CD22: variants seen among roughly 807,000 people sequenced by gnomAD.
CD22 encodes CD22 molecule.
Under a neutral mutation model 94.7 loss-of-function variants are expected in CD22, and 51 were observed. The observed-to-expected ratio is 0.54, with a 90% CI of 0.43 to 0.68. The LOEUF (loss-of-function observed/expected upper bound fraction) is 0.68, where lower values mean the gene tolerates loss of function less well. Among genes scored for constraint, CD22 ranks in the 30% least tolerant of loss-of-function variants. The pLI is 0.00. For missense variants in CD22, 931 were observed against 1,060.4 expected, an observed-to-expected ratio of 0.88 and a Z score of 1.69; for synonymous variants, 424 against 422.5, an observed-to-expected ratio of 1.00 and a Z score of -0.04.
chr19:35,331,082 T>A (rs556524739), intron 1 of CD22: 1 of 152,220 alleles, frequency 6.6e-6, no homozygotes, highest in African/African-American at 2.4e-5. Flanking sequence ...CCACCACGCC[T>A]GGCTAATTTT....
chr19:35,331,741 G>T (rs535014687), intron 1 of CD22: 8 of 373,468 alleles, frequency 2.1e-5, no homozygotes, highest in African/African-American at 1.5e-4. Context: ...CAGCTACTTG[G>T]GGGGCTGAGG....
chr19:35,346,898 A>C lies in CD22; in HGVS notation c.*201A>C. 4 of 542,612 alleles carry C rather than the reference A, an allele frequency of 7.4e-6. No individual in the cohort carries two copies. The highest frequency in any genetic ancestry group is 3.3e-5 in the East Asian group (1 of 29,954). 33.6% of individuals were successfully genotyped at this position (542,612 alleles called of 1,614,324 possible). A position where few individuals can be genotyped will look rare whatever the true frequency, so the allele number is the denominator to read the frequency against. On this transcript the variant is annotated 3_prime_UTR_variant, in exon 14 of 14. Transcript: ENST00000085219. ...GTCTTTTTGGTGAGGGTAACCCCAA[A>C]CCTCCAAAACTCCTGCCCCTGTTCT...
intron 9 of CD22, among the ~76,000 whole-genome samples, chr19:35,343,732 C>CA (rs768759089): frequency 1.5e-4 from 23 of 149,424 alleles, no homozygotes; most frequent in African/African-American, 5.0e-5. Flanking sequence ...CTCATCTCTA[C>CA]AAAAAATACC....
At chr19:35,334,906 GTC>G (rs1254910444) in intron 3 of CD22, among the ~76,000 whole-genome samples, 158 of 151,976 alleles carry the variant, frequency 1.0e-3, no homozygotes, top group African/African-American at 3.6e-3. Flanking sequence ...GTGAAACCCT[GTC>G]TCTACTAAAA....
chr19:35,335,322 GA>G (rs1375620916), intron 3 of CD22, among the ~76,000 whole-genome samples: 3 of 151,686 alleles, frequency 2.0e-5, no homozygotes, highest in Non-Finnish European at 4.4e-5. Context: ...TTGGGAGGCT[GA>G]GATCGGAGGA....
rs765142767 is a variant in CD22 at position 35,341,720 on chromosome 19, G to A, written c.1790G>A (p.Arg597His). The change falls in exon 9 of 14, where the codon CGT becomes CAT. Residue 597 changes from arginine (R) to histidine (H), a missense_variant. Arg to His is a conservative substitution (Grantham distance 29, BLOSUM62 0). Coordinates refer to ENST00000085219, the MANE Select transcript of CD22 (RefSeq NM_001771.4). The surrounding 1 kb of genome is among the most constrained non-coding windows in gnomAD (Gnocchi z 4.0). ...CATGCAGATGCACCCAGGAGGCTGC[G>A]TGTGTCCATGAGCCCGGGGGACCAA... is the stretch of plus-strand genomic sequence containing the variant. ...LEVLYAPRRLRVSMSPGDQVM... is the reference protein window; with the variant it reads ...LEVLYAPRRLHVSMSPGDQVM... 155 of 1,610,528 alleles carry A rather than the reference G, an allele frequency of 9.6e-5. No homozygotes were observed. Among genetic ancestry groups the A allele is most frequent in the Non-Finnish European group, 1.3e-4 (150 of 1,179,950 alleles).
intron 6 of CD22, 119 bp from the exon 7 acceptor site, chr19:35,340,762 T>G: frequency 9.3e-7 from 1 of 1,070,992 alleles, no homozygotes. Context: ...AGCCCCCCTT[T>G]GATTAATTTA....
chr19:35,331,430 GATGA>G (rs2066643111), intron 1 of CD22, among the ~76,000 whole-genome samples: 1 of 152,134 alleles, frequency 6.6e-6, no homozygotes, highest in African/African-American at 2.4e-5. Flanking sequence ...ATTAGAGATG[GATGA>G]ATGGATGGAT....
rs1451324552 is a variant in CD22 at position 35,332,856 on chromosome 19, G to A, written c.344G>A (p.Gly115Asp). 6.2e-7 allele frequency: 1 copy of A among 1,614,194 alleles called. No individual in the cohort carries two copies. ...SIHPVHLNDS[G>D]QLGLRMESKT... Reference sequence around the variant, plus strand: ...CACCCGGTGCACCTCAATGACAGTGGTCAGCTGGGGCTGAGGATGGAGTCC... The same window carrying A: ...CACCCGGTGCACCTCAATGACAGTGATCAGCTGGGGCTGAGGATGGAGTCC... Residue 115 changes from glycine (G) to aspartate (D), a missense_variant, in exon 3 of 14, where the codon GGT becomes GAT. Transcript: ENST00000085219.
chr19:35,341,186 G>T lies in CD22; in HGVS notation c.1507+48G>T, dbSNP rs1296127746. On this transcript the variant is annotated intron_variant, in intron 7 of 13. Coordinates refer to ENST00000085219, the MANE Select transcript of CD22 (RefSeq NM_001771.4). This position sits in a 1 kb window ranked among gnomAD's most constrained non-coding sequence, Gnocchi z 4.0. ...GGGATCTGGGAGGTGGCCCGGCTGG[G>T]ATGAGGGGATGAAGGCAACGAGGCC... is the stretch of plus-strand genomic sequence containing the variant. 6.2e-7 allele frequency: 1 copy of T among 1,611,228 alleles called. No individual in the cohort carries two copies. Among genetic ancestry groups the T allele is most frequent in the African/African-American group, 1.3e-5 (1 of 74,938 alleles).
chr19:35,341,129 A>G lies in CD22; in HGVS notation c.1498A>G (p.Asn500Asp). 6.2e-7 allele frequency: 1 copy of G among 1,614,066 alleles called. No homozygotes were observed. Among genetic ancestry groups the G allele is most frequent in the Non-Finnish European group, 8.5e-7 (1 of 1,180,014 alleles). Residue 500 changes from asparagine (N) to aspartate (D), a missense_variant, in exon 7 of 14, where the codon AAT becomes GAT. Asn to Asp is a conservative substitution (Grantham distance 23). Transcript: ENST00000085219. This position sits in a 1 kb window ranked among gnomAD's most constrained non-coding sequence, Gnocchi z 4.0. ...CTCGTGGGCCTCCCCTGTCGCCCTG[A>G]ATGTCCAGTGTGAGTCCCTGGGCTA... Reference protein sequence around the residue: ...WCSWASPVALNVQYAPRDVRV... With the variant: ...WCSWASPVALDVQYAPRDVRV...
At position 35,344,767 on chromosome 19, in the gene CD22, G is replaced by A. The variant is rs1387325256; in HGVS notation, c.2036-62G>A. 3 of 1,297,126 alleles carry A rather than the reference G, an allele frequency of 2.3e-6. No individual in the cohort carries two copies. The African/African-American group carries it at 4.4e-5, about 19-fold the overall frequency. 80.4% of individuals were successfully genotyped at this position (1,297,126 alleles called of 1,614,324 possible). On this transcript the variant is annotated intron_variant, in intron 9 of 13. Transcript: ENST00000085219. ...GAGAGAAGTCCAGGATGCCTTCCAG[G>A]CAAAGGCTGCCAGGGAGAGCTGGCC... is the stretch of plus-strand genomic sequence containing the variant.
intron 1 of CD22, 36 bp from the exon 2 acceptor site, chr19:35,331,983 G>T: frequency 6.2e-7 from 1 of 1,613,428 alleles, no homozygotes; most frequent in South Asian, 1.1e-5. Flanking sequence ...GAAGTAAGCG[G>T]CCAGATGGCT....
Position 35,337,778 on chromosome 19 carries a change from G to A in CD22, c.742G>A (p.Val248Ile). 1 of 1,604,648 alleles carries A rather than the reference G, an allele frequency of 6.2e-7. No individual in the cohort carries two copies. Among genetic ancestry groups the A allele is most frequent in the Non-Finnish European group, 8.5e-7 (1 of 1,172,496 alleles). ...AGACACCCCGAAGTTGGAGATCAAG[G>A]TCACTCCCAGTGATGCCATAGTGAG... The part of the protein sequence containing the change: ...VKHTPKLEIK[V>I]TPSDAIVREG... The change falls in exon 5 of 14, where the codon GTC becomes ATC. Residue 248 changes from valine to isoleucine, a missense_variant. Val to Ile is a conservative substitution (Grantham distance 29). Transcript: ENST00000085219. The surrounding 1 kb of genome is among the most constrained non-coding windows in gnomAD (Gnocchi z 4.4).
intron 11 of CD22, 156 bp downstream of exon 11, chr19:35,345,282 G>A (rs569124852): frequency 2.1e-5 from 14 of 655,862 alleles, no homozygotes; most frequent in Admixed American, 1.5e-4. Flanking sequence ...TTAGCCGGGC[G>A]TGATGGTCCA....
chr19:35,337,255 G>A lies in CD22; in HGVS notation c.719-500G>A, dbSNP rs2066738873. 6.6e-6 allele frequency among the ~76,000 whole-genome samples: 1 copy of A among 152,074 alleles called. No homozygotes were observed. The highest frequency in any genetic ancestry group is 2.1e-4 in the South Asian group (1 of 4,804). ...TCCATCTCAAAAAAAGAAAAAAAAAGAAGGTGAGCACTTAAGCTGACTGGA... is the reference window on the plus strand; with the variant it reads ...TCCATCTCAAAAAAAGAAAAAAAAAAAAGGTGAGCACTTAAGCTGACTGGA... On this transcript the variant is annotated intron_variant, in intron 4 of 13. Transcript: ENST00000085219. The surrounding 1 kb of genome is among the most constrained non-coding windows in gnomAD (Gnocchi z 4.4).
At position 35,338,148 on chromosome 19, in the gene CD22, G is replaced by A. The variant is rs114255198; in HGVS notation, c.986-20G>A. The A allele has an allele frequency of 2.2e-3, 3,442 of 1,595,946 alleles. 13 individuals are homozygous for A. Among genetic ancestry groups the A allele is most frequent in the African/African-American group, 0.012 (906 of 74,828 alleles). On this transcript the variant is annotated intron_variant, in intron 5 of 13. Coordinates refer to ENST00000085219, the MANE Select transcript of CD22 (RefSeq NM_001771.4). The stretch of plus-strand genomic sequence containing the variant: ...GGGTGCTCTCCTCACCCCTCCACTC[G>A]CCTCTGCCCCCTCTTCCAGATGCCC...
Position 35,336,182 on chromosome 19 carries a change from G to A in CD22, c.559G>A (p.Ala187Thr), listed in dbSNP as rs1012239591. The A allele has an allele frequency of 6.2e-7, 1 of 1,614,202 alleles. No homozygotes were observed. Among genetic ancestry groups the A allele is most frequent in the South Asian group, 1.1e-5 (1 of 91,088 alleles). The change falls in exon 4 of 14, where the codon GCT (alanine) becomes ACT (threonine). Residue 187 changes from alanine to threonine, a missense_variant. Ala to Thr is a moderately conservative substitution (Grantham distance 58). Transcript: ENST00000085219. ...LLEGVPMRQAAVTSTSLTIKS... is the reference protein window; with the variant it reads ...LLEGVPMRQATVTSTSLTIKS... The stretch of plus-strand genomic sequence containing the variant: ...AGAGGGGGTTCCAATGAGGCAGGCT[G>A]CTGTCACCTCGACCTCCTTGACCAT...
At chr19:35,346,463 G>A in intron 13 of CD22, 103 bp from the exon 14 acceptor site, 1 of 1,483,640 alleles carries the variant, frequency 6.7e-7, no homozygotes, top group Non-Finnish European at 9.2e-7. Context: ...CACCCGCCTG[G>A]GCTTTTGGAC....
Sources: gnomAD v4.1 joint callset for allele counts (sites outside exome capture counted in the v4.1 genomes callset) on GRCh38, gnomAD v4.1.1 for gene constraint, Gnocchi (gnomAD v3.1) non-coding constraint, MANE v1.5 for transcripts, NCBI Gene and HGNC (gene_info 2026-07-23, HGNC 2026-07-21) for gene names.